DCAF6: variants seen among roughly 807,000 people sequenced by gnomAD.
DCAF6 encodes DDB1 and CUL4 associated factor 6.
A neutral mutation model predicts 125.1 loss-of-function variants in DCAF6; 54 were observed. The observed-to-expected ratio is 0.43, with a 90% confidence interval of 0.35 to 0.54. The LOEUF (loss-of-function observed/expected upper bound fraction) is 0.54. Among genes scored for constraint, DCAF6 ranks in the 20% least tolerant of loss-of-function variants. The pLI, the probability that DCAF6 is intolerant of heterozygous loss-of-function variation, is 0.01. For missense variants in DCAF6, 934 were observed against 1,161.7 expected, an observed-to-expected ratio of 0.80 and a Z score of 2.85; for synonymous variants, 371 against 390.4, an observed-to-expected ratio of 0.95 and a Z score of 0.58.
At chr1:167,886,013 G>T in the DCAF6 span, among the ~76,000 whole-genome samples, 1 of 152,076 alleles carries the variant, frequency 6.6e-6, no homozygotes, top group Non-Finnish European at 1.5e-5. Flanking sequence ...CCTCTTCAAG[G>T]AGAACTACAA....
chr1:167,913,791 A>G, the DCAF6 span, among the ~76,000 whole-genome samples: 6 of 152,178 alleles, frequency 3.9e-5, no homozygotes, highest in Admixed American at 6.5e-5. Context: ...AGGTGAGGCA[A>G]TATTTAAGCC....
intron 6 of DCAF6, among the ~76,000 whole-genome samples, chr1:167,992,901 TG>T (rs1243011278): frequency 2.0e-5 from 3 of 152,212 alleles, no homozygotes; most frequent in African/African-American, 7.2e-5. Context: ...TATCTTAATT[TG>T]GGGGGAACTT....
intron 1 of DCAF6, among the ~76,000 whole-genome samples, chr1:167,943,317 G>A (rs1177663980): frequency 6.6e-6 from 1 of 152,132 alleles, no homozygotes; most frequent in African/African-American, 2.4e-5. Context: ...AAAAAGACTT[G>A]GGATTTTGTG....
At chr1:168,000,493 T>C (rs576581335) in intron 7 of DCAF6, among the ~76,000 whole-genome samples, 23 of 152,158 alleles carry the variant, frequency 1.5e-4, no homozygotes, top group Non-Finnish European at 2.8e-4. Flanking sequence ...GTTTCAATTC[T>C]TTTGGGTAGT....
chr1:168,012,872 A>G (rs1684488306), intron 10 of DCAF6, among the ~76,000 whole-genome samples: 1 of 152,190 alleles, frequency 6.6e-6, no homozygotes, highest in Non-Finnish European at 1.5e-5. Context: ...GTTTTAGAGC[A>G]TCACTACATG....
At chr1:167,902,668 C>T in the DCAF6 span, among the ~76,000 whole-genome samples, 1 of 152,158 alleles carries the variant, frequency 6.6e-6, no homozygotes, top group African/African-American at 2.4e-5. Context: ...TAAATTTTGT[C>T]TAGTGGGTAA....
chr1:168,075,598 G>A lies in DCAF6; in HGVS notation c.*163G>A. On this transcript the variant is annotated 3_prime_UTR_variant, in exon 22 of 22. Transcript: ENST00000367840. The stretch of plus-strand genomic sequence containing the variant: ...ATTGGTTTGGAATGATTGTGTGCAT[G>A]AATTTGGGAGATTGTATAAAACAAA... The A allele has an allele frequency of 1.7e-6, 1 of 572,254 alleles. No homozygotes were observed. Among genetic ancestry groups the A allele is most frequent in the Non-Finnish European group, 3.0e-6 (1 of 337,770 alleles). The allele number at this position is 572,254 out of a possible 1,614,324, so 35.4% of individuals were successfully genotyped here.
chr1:168,046,352 AAAG>A (rs1276658624), intron 16 of DCAF6, among the ~76,000 whole-genome samples: 5 of 152,170 alleles, frequency 3.3e-5, no homozygotes, highest in African/African-American at 1.2e-4. Flanking sequence ...TTAATTTTTA[AAAG>A]AATTACAGTA....
intron 1 of DCAF6, among the ~76,000 whole-genome samples, chr1:167,940,977 C>T (rs1333761078): frequency 2.0e-5 from 3 of 152,040 alleles, no homozygotes; most frequent in African/African-American, 4.8e-5. Flanking sequence ...TCAGTATGTA[C>T]TGAAATGGAT....
At chr1:167,915,456 A>G in the DCAF6 span, among the ~76,000 whole-genome samples, 5 of 152,120 alleles carry the variant, frequency 3.3e-5, no homozygotes, top group Middle Eastern at 3.2e-3. Flanking sequence ...CCTTCAATTA[A>G]TAAGATTACC....
At chr1:168,019,332 A>G (rs188039519) in intron 11 of DCAF6, among the ~76,000 whole-genome samples, 112 of 152,198 alleles carry the variant, frequency 7.4e-4, no homozygotes, top group African/African-American at 2.1e-3. Context: ...ACAGGTGTGA[A>G]CCACCATGCC....
At chr1:168,037,103 C>CTTTTTTTT (rs752448825) in intron 12 of DCAF6, among the ~76,000 whole-genome samples, 24 of 148,310 alleles carry the variant, frequency 1.6e-4, no homozygotes, top group Middle Eastern at 3.5e-3. Context: ...TTCTCCCCCC[C>CTTTTTTTT]CTTTTTTTTT....
chr1:167,950,582 T>G (rs1673774287), intron 1 of DCAF6, among the ~76,000 whole-genome samples: 1 of 152,198 alleles, frequency 6.6e-6, no homozygotes, highest in Non-Finnish European at 1.5e-5. Flanking sequence ...CAAATTGGCT[T>G]CAAGAGGCTC....
At chr1:167,979,653 G>A (rs1386972563) in intron 4 of DCAF6, among the ~76,000 whole-genome samples, 2 of 152,154 alleles carry the variant, frequency 1.3e-5, no homozygotes, top group Non-Finnish European at 2.9e-5. Flanking sequence ...TTGGGAGGCC[G>A]AGGTGGGCAG....
At chr1:168,072,418 C>T (rs540152088) in intron 21 of DCAF6, among the ~76,000 whole-genome samples, 1 of 150,034 alleles carries the variant, frequency 6.7e-6, no homozygotes, top group Admixed American at 6.7e-5. Flanking sequence ...TGTTCATTGC[C>T]TTATTTTCCT....
At chr1:167,955,721 T>G (rs1674671825) in intron 2 of DCAF6, among the ~76,000 whole-genome samples, 1 of 152,184 alleles carries the variant, frequency 6.6e-6, no homozygotes. Context: ...TATTCTATTA[T>G]AAGATTGAAT....
the DCAF6 span, chr1:167,896,486 G>C: frequency 2.3e-6 from 2 of 872,112 alleles, no homozygotes; most frequent in Non-Finnish European, 3.9e-6. Context: ...GTAAGGACCA[G>C]GAGCTGTGTT....
chr1:168,058,124 C>T (rs1572137136), intron 17 of DCAF6, among the ~76,000 whole-genome samples: 2 of 152,230 alleles, frequency 1.3e-5, no homozygotes, highest in East Asian at 3.9e-4. Flanking sequence ...TATTATCTTA[C>T]TGTGATTCAT....
At chr1:167,905,041 G>A in the DCAF6 span, 16 of 1,614,200 alleles carry the variant, frequency 9.9e-6, no homozygotes, top group Non-Finnish European at 1.3e-5. Flanking sequence ...TCCATAAAGG[G>A]TCGCTCTGGG....
Sources: gnomAD v4.1 joint callset for allele counts (sites outside exome capture counted in the v4.1 genomes callset) on GRCh38, gnomAD v4.1.1 for gene constraint, MANE v1.5 for transcripts, NCBI Gene and HGNC (gene_info 2026-07-23, HGNC 2026-07-21) for gene names.